The following TNR variants were observed in gnomAD, a reference collection of about 807,000 sequenced individuals.
TNR encodes the protein tenascin R.
TNR carries 45 observed loss-of-function variants against 150.4 expected under a neutral mutation model. The ratio of observed to expected loss-of-function variants is 0.30; its 90% CI spans 0.24 to 0.38. The LOEUF (loss-of-function observed/expected upper bound fraction) is 0.38, where lower values mean the gene tolerates loss of function less well. Ranked by LOEUF, TNR falls within the 10% of genes least tolerant of loss-of-function variation. TNR has a pLI of 1.00. For synonymous variants in TNR, 687 were observed against 678.4 expected, an observed-to-expected ratio of 1.01 and a Z score of -0.20; for missense variants, 1,544 against 1,759.1, an observed-to-expected ratio of 0.88 and a Z score of 2.19.
At chr1:175,615,247 GGGAGGGAGGATTCTT>G (rs1374065560) in intron 1 of TNR, among the ~76,000 whole-genome samples, 1 of 152,234 alleles carries the variant, frequency 6.6e-6, no homozygotes, top group Non-Finnish European at 1.5e-5. Context: ...CCAGCTGAAG[GGGAGGGAGGATTCTT>G]GGACCTTCTT....
chr1:175,715,579 G>C (rs777975197), intron 1 of TNR, among the ~76,000 whole-genome samples: 4 of 152,180 alleles, frequency 2.6e-5, no homozygotes, highest in Admixed American at 2.0e-4. Context: ...GACTCTTGAA[G>C]GCTGAGTATC....
At chr1:175,505,273 G>A (rs781449257) in intron 2 of TNR, among the ~76,000 whole-genome samples, 6 of 152,234 alleles carry the variant, frequency 3.9e-5, no homozygotes, top group Non-Finnish European at 5.9e-5. Flanking sequence ...TGGCTCCCCT[G>A]CAGAACTCTT....
chr1:175,694,707 T>C (rs1666460374), intron 1 of TNR, among the ~76,000 whole-genome samples: 1 of 152,194 alleles, frequency 6.6e-6, no homozygotes, highest in African/African-American at 2.4e-5. Flanking sequence ...GTGAGAACAT[T>C]AGAATGGGCC....
chr1:175,340,711 TTGTC>T (rs1313662225), intron 18 of TNR, among the ~76,000 whole-genome samples: 1 of 152,194 alleles, frequency 6.6e-6, no homozygotes, highest in African/African-American at 2.4e-5. Flanking sequence ...AACCTTCTCT[TTGTC>T]TGGCACATTT....
At chr1:175,517,899 A>T (rs1343991873) in intron 2 of TNR, among the ~76,000 whole-genome samples, 2 of 152,174 alleles carry the variant, frequency 1.3e-5, no homozygotes, top group African/African-American at 4.8e-5. Context: ...GCACGGAAAC[A>T]CCAGCAGCAC....
intron 2 of TNR, among the ~76,000 whole-genome samples, chr1:175,502,292 T>A (rs901433257): frequency 1.3e-5 from 2 of 152,150 alleles, no homozygotes; most frequent in Admixed American, 1.3e-4. Flanking sequence ...GCTGGAGTGC[T>A]CTATTCGGAG....
intron 2 of TNR, among the ~76,000 whole-genome samples, chr1:175,447,617 C>G (rs957529713): frequency 6.6e-6 from 1 of 152,218 alleles, no homozygotes; most frequent in African/African-American, 2.4e-5. Context: ...AATGTTGCCT[C>G]TGCTGTGCCT....
intron 2 of TNR, among the ~76,000 whole-genome samples, chr1:175,419,005 C>T (rs1654633841): frequency 1.3e-5 from 2 of 152,160 alleles, no homozygotes; most frequent in African/African-American, 4.8e-5. Context: ...ACCTGAAAAA[C>T]ATAAAAGATT....
chr1:175,733,924 A>C (rs1667707510), intron 1 of TNR, among the ~76,000 whole-genome samples: 1 of 116,916 alleles, frequency 8.6e-6, no homozygotes, highest in South Asian at 3.5e-4. Context: ...TGAGGGAGTC[A>C]GTTATGAGGA....
chr1:175,361,850 G>T (rs1453908713), intron 14 of TNR, among the ~76,000 whole-genome samples: 1 of 152,154 alleles, frequency 6.6e-6, no homozygotes, highest in Non-Finnish European at 1.5e-5. Context: ...TGTTCTGCCT[G>T]GTGTACTTGC....
intron 2 of TNR, among the ~76,000 whole-genome samples, chr1:175,437,412 G>A (rs1368811448): frequency 2.0e-5 from 3 of 152,130 alleles, no homozygotes; most frequent in Non-Finnish European, 2.9e-5. Flanking sequence ...CTAAATGCTC[G>A]CAAGAGAAGG....
chr1:175,554,354 A>C (rs1362704179), intron 1 of TNR, among the ~76,000 whole-genome samples: 1 of 152,060 alleles, frequency 6.6e-6, no homozygotes, highest in East Asian at 1.9e-4. Context: ...AAAAAAAAAA[A>C]AAAAAGATAT....
At chr1:175,622,696 A>G (rs928637239) in intron 1 of TNR, among the ~76,000 whole-genome samples, 1 of 152,254 alleles carries the variant, frequency 6.6e-6, no homozygotes, top group Non-Finnish European at 1.5e-5. Flanking sequence ...ACAACTGAGT[A>G]TCTTAAAACA....
intron 2 of TNR, among the ~76,000 whole-genome samples, chr1:175,466,635 T>C (rs915954036): frequency 6.6e-6 from 1 of 152,208 alleles, no homozygotes; most frequent in Non-Finnish European, 1.5e-5. Context: ...CTCCACATTA[T>C]TGATCTTTTC....
At chr1:175,421,927 G>C (rs187509777) in intron 2 of TNR, among the ~76,000 whole-genome samples, 1 of 152,340 alleles carries the variant, frequency 6.6e-6, no homozygotes, top group Non-Finnish European at 1.5e-5. Context: ...CATGTGCATT[G>C]TCCAGGCACA....
At chr1:175,632,130 C>T (rs1167100895) in intron 1 of TNR, among the ~76,000 whole-genome samples, 6 of 152,210 alleles carry the variant, frequency 3.9e-5, no homozygotes, top group Non-Finnish European at 2.9e-5. Flanking sequence ...GTCACCCAAG[C>T]CCTTGCAGAG....
At chr1:175,733,621 T>C (rs1370153242) in intron 1 of TNR, among the ~76,000 whole-genome samples, 1 of 152,128 alleles carries the variant, frequency 6.6e-6, no homozygotes, top group Non-Finnish European at 1.5e-5. Flanking sequence ...TTTTAATAAC[T>C]CAGGCACAGT....
At chr1:175,327,826 T>C (rs1234613774) in intron 21 of TNR, among the ~76,000 whole-genome samples, 1 of 152,014 alleles carries the variant, frequency 6.6e-6, no homozygotes, top group Non-Finnish European at 1.5e-5. Context: ...AGAAATGAGA[T>C]GCCAGATGCA....
At chr1:175,722,509 G>A (rs1667334394) in intron 1 of TNR, among the ~76,000 whole-genome samples, 1 of 152,034 alleles carries the variant, frequency 6.6e-6, no homozygotes, top group South Asian at 2.1e-4. Flanking sequence ...CTGTTGCCCA[G>A]ACTAGAGTGC....
Sources: allele counts gnomAD v4.1 joint callset (sites outside exome capture counted in the v4.1 genomes callset), GRCh38; gene constraint gnomAD v4.1.1; transcripts MANE v1.5; gene names NCBI Gene and HGNC (gene_info 2026-07-23, HGNC 2026-07-21).